ARL13B: variants seen among roughly 807,000 people sequenced by gnomAD.
ARL13B encodes the protein ADP-ribosylation factor-like protein 13B.
In ARL13B, 36 loss-of-function variants were observed where a neutral mutation model predicts 56.1. The observed-to-expected ratio is 0.64, with a 90% CI of 0.49 to 0.85. The LOEUF is 0.85. Ranked by LOEUF, ARL13B falls within the 40% of genes least tolerant of loss-of-function variation. The pLI is 0.00. For synonymous variants in ARL13B, 178 were observed against 171.1 expected, an observed-to-expected ratio of 1.04 and a Z score of -0.32; for missense variants, 519 against 507.1, an observed-to-expected ratio of 1.02 and a Z score of -0.23.
intron 3 of ARL13B, among the ~76,000 whole-genome samples, chr3:94,011,448 A>C (rs6786905): frequency 0.79 from 120,363 of 152,108 alleles, 47,771 homozygotes; most frequent in Non-Finnish European, 0.82. Context: ...TCTCCCTTAA[A>C]CCCACTGTGC....
At chr3:93,996,829 G>T (rs1192613292) in intron 2 of ARL13B, 1 of 162,636 alleles carries the variant, frequency 6.1e-6, no homozygotes, top group African/African-American at 2.4e-5. Flanking sequence ...CTGTGGGCTG[G>T]TTCTTAGGAA....
intron 3 of ARL13B, among the ~76,000 whole-genome samples, chr3:94,024,186 C>T (rs921870790): frequency 6.6e-6 from 1 of 152,136 alleles, no homozygotes; most frequent in African/African-American, 2.4e-5. Flanking sequence ...CCAGGCTGGT[C>T]TTGAACTCCT....
intron 3 of ARL13B, among the ~76,000 whole-genome samples, chr3:94,029,321 TA>T (rs1559997542): frequency 4.0e-5 from 4 of 100,790 alleles, no homozygotes; most frequent in African/African-American, 1.9e-4. Flanking sequence ...TATATATATA[TA>T]TATATATATA....
intron 1 of ARL13B, among the ~76,000 whole-genome samples, chr3:93,983,074 AAG>A (rs1363124514): frequency 6.6e-6 from 1 of 152,168 alleles, no homozygotes; most frequent in African/African-American, 2.4e-5. Flanking sequence ...GAATTTGTAA[AAG>A]AGATGATGAT....
intron 3 of ARL13B, among the ~76,000 whole-genome samples, chr3:94,012,446 A>G (rs960375834): frequency 2.6e-5 from 4 of 152,134 alleles, no homozygotes; most frequent in African/African-American, 7.2e-5. Flanking sequence ...TACCTTTTAA[A>G]TCTATCAGAA....
intron 1 of ARL13B, among the ~76,000 whole-genome samples, chr3:93,983,706 G>A (rs565461397): frequency 1.3e-4 from 20 of 151,488 alleles, no homozygotes; most frequent in African/African-American, 3.2e-4. Context: ...TTTTCCTTGC[G>A]CATTTTTGTT....
intron 3 of ARL13B, among the ~76,000 whole-genome samples, chr3:94,013,137 T>C (rs370799429): frequency 4.6e-5 from 7 of 152,286 alleles, no homozygotes; most frequent in African/African-American, 1.7e-4. Context: ...TTTGTACTAT[T>C]TGTTTCCTAT....
intron 1 of ARL13B, among the ~76,000 whole-genome samples, chr3:93,991,909 T>C (rs1159996296): frequency 6.6e-6 from 1 of 152,232 alleles, no homozygotes; most frequent in Non-Finnish European, 1.5e-5. Context: ...CCCTAAAACA[T>C]TTAATTAAAG....
rs1325382628 is a variant in ARL13B, at chr3:94,055,122, T to C, written c.*1859T>C. On this transcript the variant is annotated 3_prime_UTR_variant, in exon 10 of 10. Coordinates refer to ENST00000394222, the MANE Select transcript of ARL13B (RefSeq NM_001174150.2). ...ACATTTTATATAGCTCTCTCAAAAA[T>C]TAATTTTTATTCCTTAAGCATTTTA... is the stretch of plus-strand genomic sequence containing the variant. 2.7e-6 allele frequency: 1 copy of C among 366,256 alleles called. No homozygotes were observed. The highest frequency in any genetic ancestry group is 5.2e-6 in the Non-Finnish European group (1 of 191,642). The allele number at this position is 366,256 out of a possible 1,614,324, so 22.7% of individuals were successfully genotyped here.
chr3:94,000,475 G>A (rs2076035696), intron 2 of ARL13B, among the ~76,000 whole-genome samples: 1 of 151,710 alleles, frequency 6.6e-6, no homozygotes. Flanking sequence ...AAAATTCTTT[G>A]CGTGGACTGG....
chr3:93,990,560 T>TTTTCCACC (rs1449308413), intron 1 of ARL13B, among the ~76,000 whole-genome samples: 1 of 152,132 alleles, frequency 6.6e-6, no homozygotes, highest in Non-Finnish European at 1.5e-5. Flanking sequence ...ACGTGTGGAA[T>TTTTCCACC]TTTCCACCGT....
intron 4 of ARL13B, among the ~76,000 whole-genome samples, chr3:94,036,207 C>G (rs1690279410): frequency 6.6e-6 from 1 of 152,098 alleles, no homozygotes; most frequent in Non-Finnish European, 1.5e-5. Flanking sequence ...ATGTTTACTG[C>G]TGTATATTGT....
In ARL13B at chr3:93,995,934, A is replaced by G. The variant is rs774691904; in HGVS notation, c.120A>G (p.Gly40=). 35 of 1,613,102 alleles carry G rather than the reference A, an allele frequency of 2.2e-5. No individual in the cohort carries two copies. Among genetic ancestry groups the G allele is most frequent in the Admixed American group, 1.2e-4 (7 of 59,968 alleles). The change falls in exon 2 of 10, where the codon GGA becomes GGG. Residue 40 remains glycine (G), a synonymous_variant. Coordinates refer to ENST00000394222, the MANE Select transcript of ARL13B (RefSeq NM_001174150.2). ...CTGGTAAAACCGCAACAGCAAAGGG[A>G]ATCCAAGGAGGTAAGCTGAAAACAT... is the stretch of plus-strand genomic sequence containing the variant. ...DNAGKTATAK[G]IQGEYPEDVA...
At chr3:93,999,855 A>G (rs1222684889) in intron 2 of ARL13B, among the ~76,000 whole-genome samples, 1 of 152,194 alleles carries the variant, frequency 6.6e-6, no homozygotes, top group Non-Finnish European at 1.5e-5. Context: ...TTTCTTTCTC[A>G]TAACAGCCTA....
intron 9 of ARL13B, among the ~76,000 whole-genome samples, chr3:94,051,716 T>C (rs985480300): frequency 6.6e-6 from 1 of 152,116 alleles, no homozygotes; most frequent in African/African-American, 2.4e-5. Flanking sequence ...AGTCTAGAAC[T>C]TGGTTTCACT....
intron 3 of ARL13B, among the ~76,000 whole-genome samples, chr3:94,033,736 G>A (rs1440489042): frequency 2.0e-5 from 3 of 152,130 alleles, no homozygotes; most frequent in African/African-American, 7.2e-5. Flanking sequence ...CACCAAAATA[G>A]GACATTATAT....
rs771987718 is a variant in ARL13B, at chr3:94,014,366, A to T, written c.380+10458A>T. On this transcript the variant is annotated intron_variant, in intron 3 of 9. Coordinates refer to ENST00000394222, the MANE Select transcript of ARL13B (RefSeq NM_001174150.2). ...CTATCTTTTACCGTAAAGCTGGAAAAAGTTTTAAAATAGCTTCTTTATTTT... is the reference window on the plus strand; with the variant it reads ...CTATCTTTTACCGTAAAGCTGGAAATAGTTTTAAAATAGCTTCTTTATTTT... The T allele has an allele frequency of 2.6e-6, 4 of 1,509,526 alleles. No individual in the cohort carries two copies. In the African/African-American group the frequency reaches 5.6e-5, roughly 21 times the overall value. The allele number at this position is 1,509,526 out of a possible 1,614,324, so 93.5% of individuals were successfully genotyped here.
At chr3:94,037,137 T>C (rs1027550772) in intron 5 of ARL13B, among the ~76,000 whole-genome samples, 1 of 152,140 alleles carries the variant, frequency 6.6e-6, no homozygotes, top group Non-Finnish European at 1.5e-5. Flanking sequence ...TTGGAATCTA[T>C]TGGGTAGAGG....
In ARL13B at chr3:94,042,998, AT is replaced by A; in HGVS notation, c.799-13del. 3 of 1,569,380 alleles carry A rather than the reference AT, an allele frequency of 1.9e-6. No homozygotes were observed. Among genetic ancestry groups the A allele is most frequent in the East Asian group, 2.3e-5 (1 of 43,632 alleles). On this transcript the variant is annotated splice_polypyrimidine_tract_variant and intron_variant, in intron 6 of 9. Transcript: ENST00000394222. ...AAAACCATCATAGTAAAGATAATGT[AT>A]TTTATTTTTTGTTAGAATGAAGGAA... is the stretch of plus-strand genomic sequence containing the variant.
Sources: gnomAD v4.1 joint callset for allele counts (sites outside exome capture counted in the v4.1 genomes callset) on GRCh38, gnomAD v4.1.1 for gene constraint, MANE v1.5 for transcripts, NCBI Gene and HGNC (gene_info 2026-07-23, HGNC 2026-07-21) for gene names.